The following COL26A1 variants were observed in gnomAD, a reference collection of about 807,000 sequenced individuals.
The protein encoded by COL26A1 is collagen type XXVI alpha 1 chain.
COL26A1 carries 41 observed loss-of-function variants against 59.3 expected under a neutral mutation model. The observed-to-expected ratio is 0.69, with a 90% CI of 0.54 to 0.90. The LOEUF is 0.90. Among genes scored for constraint, COL26A1 ranks in the 40% least tolerant of loss-of-function variants. The pLI is 0.00. For missense variants in COL26A1, 612 were observed against 602.3 expected (o/e 1.02, Z -0.17); for synonymous variants, 266 against 256.0 (o/e 1.04, Z -0.37).
chr7:101,443,111 T>A (rs1793102203), intron 2 of COL26A1, among the ~76,000 whole-genome samples: 1 of 26,688 alleles, frequency 3.7e-5, no homozygotes, highest in Admixed American at 3.7e-4. Context: ...GTACTCATCA[T>A]CGCATACCAG....
chr7:101,369,987 G>A (rs959775105), intron 1 of COL26A1, among the ~76,000 whole-genome samples: 12 of 151,686 alleles, frequency 7.9e-5, no homozygotes, highest in African/African-American at 2.2e-4. Context: ...TTCAGCCTCC[G>A]TAGTAGCTGG....
chr7:101,446,311 C>A (rs1018263222), intron 2 of COL26A1, among the ~76,000 whole-genome samples: 1 of 152,148 alleles, frequency 6.6e-6, no homozygotes, highest in Non-Finnish European at 1.5e-5. Flanking sequence ...CCTACCCATC[C>A]CTTTCCATGT....
At chr7:101,550,404 T>C (rs904491274) in intron 9 of COL26A1, among the ~76,000 whole-genome samples, 1 of 152,156 alleles carries the variant, frequency 6.6e-6, no homozygotes, top group Non-Finnish European at 1.5e-5. Flanking sequence ...GAGGCTGCAG[T>C]GAGCTCTCAT....
intron 2 of COL26A1, among the ~76,000 whole-genome samples, chr7:101,436,509 A>T (rs1792918788): frequency 6.6e-6 from 1 of 151,946 alleles, no homozygotes; most frequent in Admixed American, 6.6e-5. Flanking sequence ...AGGGAGGGGC[A>T]TCTGGCTCCC....
intron 1 of COL26A1, among the ~76,000 whole-genome samples, chr7:101,382,547 G>C (rs1235260138): frequency 6.6e-6 from 1 of 152,082 alleles, no homozygotes; most frequent in Non-Finnish European, 1.5e-5. Context: ...CAAAACCACA[G>C]TTCTGTGTTT....
chr7:101,449,821 A>G (rs1793286420), intron 3 of COL26A1, among the ~76,000 whole-genome samples: 1 of 152,116 alleles, frequency 6.6e-6, no homozygotes, highest in Admixed American at 6.6e-5. Flanking sequence ...ATGGTTTATT[A>G]CAGCAAAAAG....
rs767312776 is a variant in COL26A1 at position 101,540,054 on chromosome 7, G to C, written c.604+5G>C. 1.2e-6 allele frequency: 2 copies of C among 1,610,836 alleles called. No individual in the cohort carries two copies. The highest frequency in any genetic ancestry group is 1.7e-6 in the Non-Finnish European group (2 of 1,178,856). ...GAAGGCCCACGGGCCCAGCCGGTGA[G>C]TGAGGGCTGCAGAGAGGACAGGCTG... On this transcript the variant is annotated splice_donor_5th_base_variant and intron_variant, in intron 5 of 12. Transcript: ENST00000313669.
intron 3 of COL26A1, among the ~76,000 whole-genome samples, chr7:101,470,632 G>A (rs1330180080): frequency 6.6e-6 from 1 of 151,962 alleles, no homozygotes; most frequent in East Asian, 1.9e-4. Context: ...GGTGGGGACG[G>A]GATGTAGAGC....
chr7:101,556,395 A>G (rs1449384024), intron 12 of COL26A1, among the ~76,000 whole-genome samples: 1 of 152,242 alleles, frequency 6.6e-6, no homozygotes, highest in East Asian at 1.9e-4. Context: ...GGATGAATGA[A>G]TAGGTGAATG....
chr7:101,431,825 T>C (rs1388026651), intron 2 of COL26A1, among the ~76,000 whole-genome samples: 1 of 151,910 alleles, frequency 6.6e-6, no homozygotes, highest in Admixed American at 6.6e-5. Context: ...GGGGTCTCGT[T>C]TTGTTGCCCA....
intron 2 of COL26A1, among the ~76,000 whole-genome samples, chr7:101,445,375 C>T (rs1361790320): frequency 6.6e-6 from 1 of 151,978 alleles, no homozygotes; most frequent in Non-Finnish European, 1.5e-5. Context: ...GTGCCGGCAT[C>T]TCCTTGGCTT....
chr7:101,397,543 C>CTTT (rs370220726), intron 1 of COL26A1, among the ~76,000 whole-genome samples: 5 of 126,040 alleles, frequency 4.0e-5, no homozygotes, highest in Admixed American at 1.8e-4. Flanking sequence ...CCCCCCCCTC[C>CTTT]TTTTTTTTTT....
intron 1 of COL26A1, among the ~76,000 whole-genome samples, chr7:101,405,933 G>T (rs973840258): frequency 6.6e-6 from 1 of 152,180 alleles, no homozygotes; most frequent in African/African-American, 2.4e-5. Flanking sequence ...ATTCCCCACC[G>T]TGGAAGCTGC....
Position 101,555,812 on chromosome 7 carries a change from A to G in COL26A1, c.1106A>G (p.Glu369Gly), listed in dbSNP as rs776552141. 3.7e-6 allele frequency: 6 copies of G among 1,611,346 alleles called. No individual in the cohort carries two copies. Among genetic ancestry groups the G allele is most frequent in the Non-Finnish European group, 5.1e-6 (6 of 1,179,100 alleles). The change falls in exon 12 of 13, where the codon GAG becomes GGG. Residue 369 changes from glutamate (E) to glycine (G), a missense_variant. Coordinates refer to ENST00000313669, the MANE Select transcript of COL26A1 (RefSeq NM_001278563.3). ...GGCGAGGGGGTGCAGCAGCTGAGAG[A>G]GGCCCTGAAGATCCTGGCAGAGCGA... ...AEGEGVQQLR[E>G]ALKILAERVL...
chr7:101,416,843 G>T (rs1367528883), intron 1 of COL26A1, among the ~76,000 whole-genome samples: 1 of 143,124 alleles, frequency 7.0e-6, no homozygotes, highest in African/African-American at 2.5e-5. Flanking sequence ...GTGCTCCAGC[G>T]ATCCTCCTGC....
rs1229848261 is a variant in COL26A1, at chr7:101,489,689, C to CTT, written c.385+41904_385+41905dup. ...CCTTCCTTCCTTCCTTCCTTTCTTT[C>CTT]TTTCTTTCTGTCTTTCTTTCTTTCA... On this transcript the variant is annotated intron_variant, in intron 3 of 12. Coordinates refer to ENST00000313669, the MANE Select transcript of COL26A1 (RefSeq NM_001278563.3). Among the ~76,000 whole-genome samples, 45 of 9,848 alleles carry CTT rather than the reference C, an allele frequency of 4.6e-3. 2 individuals are homozygous for CTT. The highest frequency in any genetic ancestry group is 5.6e-3 in the African/African-American group (5 of 896). 6.5% of individuals were successfully genotyped at this position (9,848 alleles called of 152,430 possible). A position where few individuals can be genotyped will look rare whatever the true frequency, so the allele number is the denominator to read the frequency against.
chr7:101,370,938 T>C (rs997696101), intron 1 of COL26A1, among the ~76,000 whole-genome samples: 15 of 144,564 alleles, frequency 1.0e-4, no homozygotes, highest in African/African-American at 3.8e-4. Context: ...GCATCTGTGA[T>C]TGTGGTTTTG....
At chr7:101,452,963 C>T (rs1479906907) in intron 3 of COL26A1, among the ~76,000 whole-genome samples, 1 of 152,112 alleles carries the variant, frequency 6.6e-6, no homozygotes, top group African/African-American at 2.4e-5. Context: ...CGGAGTCTCA[C>T]CATGTTGGCC....
rs547561757 is a variant in COL26A1 at position 101,552,040 on chromosome 7, G to A, written c.1029+897G>A. On this transcript the variant is annotated intron_variant, in intron 10 of 12. Transcript: ENST00000313669. ...CAAAGCCACACAGCGAGGCAGTGGT[G>A]GAGCCTGGATTTGAACCAGGGAGTG... Among the ~76,000 whole-genome samples the A allele has an allele frequency of 9.2e-5, 14 of 152,314 alleles. No individual in the cohort carries two copies. The East Asian group carries it at 2.7e-3, about 29-fold the overall frequency.
Sources: allele counts gnomAD v4.1 joint callset (sites outside exome capture counted in the v4.1 genomes callset), GRCh38; gene constraint gnomAD v4.1.1; transcripts MANE v1.5; gene names NCBI Gene and HGNC (gene_info 2026-07-23, HGNC 2026-07-21).